TRPS1: variants seen among roughly 807,000 people sequenced by gnomAD.
TRPS1 encodes transcriptional repressor GATA binding 1.
Under a neutral mutation model 101.2 loss-of-function variants are expected in TRPS1, and 6 were observed. The observed-to-expected ratio is 0.06, with a 90% CI of 0.03 to 0.12. The LOEUF is 0.12. Ranked by LOEUF, TRPS1 falls within the 10% of genes least tolerant of loss-of-function variation. The pLI is 1.00. For synonymous variants in TRPS1, 578 were observed against 589.8 expected, an observed-to-expected ratio of 0.98 and a Z score of 0.29; for missense variants, 1,363 against 1,567.0, an observed-to-expected ratio of 0.87 and a Z score of 2.20.
intron 3 of TRPS1, among the ~76,000 whole-genome samples, chr8:115,613,936 T>A (rs1818223969): frequency 6.6e-6 from 1 of 152,236 alleles, no homozygotes; most frequent in Non-Finnish European, 1.5e-5. Context: ...AGGGTTTGTA[T>A]GATATTCTGA....
intron 5 of TRPS1, among the ~76,000 whole-genome samples, chr8:115,462,456 T>C (rs1371235891): frequency 6.6e-6 from 1 of 152,152 alleles, no homozygotes; most frequent in Non-Finnish European, 1.5e-5. Flanking sequence ...AAAATGGAGA[T>C]GACAATGGTA....
intron 1 of TRPS1, among the ~76,000 whole-genome samples, chr8:115,637,913 C>A (rs1318945297): frequency 2.6e-5 from 4 of 152,168 alleles, no homozygotes; most frequent in African/African-American, 9.7e-5. Flanking sequence ...CCCCGTTTAT[C>A]CTGATCCATT....
intron 5 of TRPS1, among the ~76,000 whole-genome samples, chr8:115,555,397 TA>T (rs1816794111): frequency 6.6e-6 from 1 of 152,166 alleles, no homozygotes; most frequent in Admixed American, 6.5e-5. Flanking sequence ...AATTCCTTTG[TA>T]ATTATTAAAA....
chr8:115,465,611 C>T (rs1017929662), intron 5 of TRPS1, among the ~76,000 whole-genome samples: 9 of 152,034 alleles, frequency 5.9e-5, no homozygotes, highest in Non-Finnish European at 1.2e-4. Flanking sequence ...ATATACTGTC[C>T]TAGGTAATAT....
intron 5 of TRPS1, among the ~76,000 whole-genome samples, chr8:115,487,366 G>A (rs1814909516): frequency 6.6e-6 from 1 of 151,392 alleles, no homozygotes; most frequent in Non-Finnish European, 1.5e-5. Context: ...TTTCATTCCT[G>A]CAAAGACAGT....
intron 1 of TRPS1, among the ~76,000 whole-genome samples, chr8:115,635,298 TC>T (rs922374925): frequency 1.9e-4 from 29 of 152,260 alleles, no homozygotes; most frequent in Admixed American, 1.1e-3. Flanking sequence ...AATTTTTTTT[TC>T]CCCAGAAACC....
chr8:115,508,315 G>T (rs1049744893), intron 5 of TRPS1, among the ~76,000 whole-genome samples: 1 of 152,078 alleles, frequency 6.6e-6, no homozygotes, highest in African/African-American at 2.4e-5. Context: ...ATTGAACAAA[G>T]AATATTAATA....
In TRPS1 at chr8:115,596,938, A is replaced by G. The variant is rs529413655; in HGVS notation, c.2096+6935T>C. Among the ~76,000 whole-genome samples the G allele has an allele frequency of 3.3e-5, 5 of 152,034 alleles. 1 individual carries two copies. Among genetic ancestry groups the G allele is most frequent in the African/African-American group, 1.2e-4 (5 of 41,570 alleles). On this transcript the variant is annotated intron_variant, in intron 4 of 6. Transcript: ENST00000395715. ...TTTTTATTCCGTCAAAATTATTCTT[A>G]TAAGATTCATTTATGTTGTAGTCAC...
intron 5 of TRPS1, among the ~76,000 whole-genome samples, chr8:115,471,934 G>C (rs1334802732): frequency 6.6e-6 from 1 of 152,218 alleles, no homozygotes; most frequent in Non-Finnish European, 1.5e-5. Context: ...CCACCCCTGT[G>C]GTTTGCAGGG....
At chr8:115,477,153 A>G (rs1328257117) in intron 5 of TRPS1, among the ~76,000 whole-genome samples, 1 of 152,180 alleles carries the variant, frequency 6.6e-6, no homozygotes, top group Non-Finnish European at 1.5e-5. Context: ...ACACAGAAAT[A>G]CCTGTGTGTT....
intron 5 of TRPS1, among the ~76,000 whole-genome samples, chr8:115,537,303 T>C (rs957388553): frequency 2.0e-5 from 3 of 152,230 alleles, no homozygotes; most frequent in Admixed American, 2.0e-4. Context: ...GTTTACTATA[T>C]TGTGTTAAAT....
At chr8:115,428,779 C>T (rs1390786084) in intron 5 of TRPS1, among the ~76,000 whole-genome samples, 1 of 152,106 alleles carries the variant, frequency 6.6e-6, no homozygotes, top group Non-Finnish European at 1.5e-5. Flanking sequence ...TTATTTTTGA[C>T]ACTATAAATC....
intron 5 of TRPS1, among the ~76,000 whole-genome samples, chr8:115,584,539 G>T (rs994911230): frequency 1.3e-5 from 2 of 151,268 alleles, no homozygotes; most frequent in Admixed American, 6.6e-5. Flanking sequence ...ATTATTACAG[G>T]ACATCTTCAC....
At chr8:115,596,176 T>C (rs1229015435) in intron 4 of TRPS1, among the ~76,000 whole-genome samples, 3 of 151,940 alleles carry the variant, frequency 2.0e-5, no homozygotes, top group Non-Finnish European at 4.4e-5. Context: ...TTCGTAAATC[T>C]CCTAATACAC....
chr8:115,520,601 A>T (rs1197169038), intron 5 of TRPS1, among the ~76,000 whole-genome samples: 1 of 151,824 alleles, frequency 6.6e-6, no homozygotes, highest in Non-Finnish European at 1.5e-5. Context: ...GGCAAAAAAT[A>T]AAAATGTAGG....
At chr8:115,584,471 T>C (rs1490254072) in intron 5 of TRPS1, among the ~76,000 whole-genome samples, 2 of 152,040 alleles carry the variant, frequency 1.3e-5, no homozygotes, top group Non-Finnish European at 2.9e-5. Context: ...TATACACTAC[T>C]GTAATTTGGG....
At chr8:115,420,402 C>T (rs531554097) in intron 5 of TRPS1, among the ~76,000 whole-genome samples, 3 of 152,202 alleles carry the variant, frequency 2.0e-5, no homozygotes, top group Non-Finnish European at 4.4e-5. Flanking sequence ...TGGGGCTATC[C>T]TGTCATTTTC....
In TRPS1 at chr8:115,418,579, T is replaced by A; in HGVS notation, c.2701-127A>T. ...CAGTATAAAACCACACTGCCCATAA[T>A]GAGGTCAGGTTCAATTGTGTTTAAT... On this transcript the variant is annotated intron_variant, in intron 5 of 6. Transcript: ENST00000395715. This position sits in a 1 kb window ranked among gnomAD's most constrained non-coding sequence, Gnocchi z 4.3. The A allele has an allele frequency of 1.6e-6, 2 of 1,282,314 alleles. No homozygotes were observed. The highest frequency in any genetic ancestry group is 2.2e-6 in the Non-Finnish European group (2 of 891,800). 79.4% of individuals were successfully genotyped at this position (1,282,314 alleles called of 1,614,324 possible).
intron 5 of TRPS1, among the ~76,000 whole-genome samples, chr8:115,550,861 G>A (rs1816688483): frequency 6.6e-6 from 1 of 152,108 alleles, no homozygotes; most frequent in Non-Finnish European, 1.5e-5. Flanking sequence ...TTCCATTGAG[G>A]GACTTCCTTC....
Sources: allele counts gnomAD v4.1 joint callset (sites outside exome capture counted in the v4.1 genomes callset), GRCh38; gene constraint gnomAD v4.1.1; non-coding constraint Gnocchi (gnomAD v3.1); transcripts MANE v1.5; gene names NCBI Gene and HGNC (gene_info 2026-07-23, HGNC 2026-07-21).